TEF: variants seen among roughly 807,000 people sequenced by gnomAD.
TEF encodes thyrotroph embryonic factor.
In TEF, 3 loss-of-function variants were observed where a neutral mutation model predicts 20.8. The observed-to-expected ratio is 0.14, with a 90% CI of 0.07 to 0.37. The LOEUF is 0.37. Ranked by LOEUF, TEF falls within the 10% of genes least tolerant of loss-of-function variation. The probability of loss-of-function intolerance (pLI) is 1.00; values close to 1 mark genes in which losing one functional copy is unlikely to be tolerated. For synonymous variants in TEF, 180 were observed against 171.1 expected (o/e 1.05, Z -0.41); for missense variants, 296 against 397.9 (o/e 0.74, Z 2.18).
At chr22:41,372,968 G>C (rs1468549296) in intron 1 of TEF, among the ~76,000 whole-genome samples, 2 of 152,176 alleles carry the variant, frequency 1.3e-5, no homozygotes, top group Non-Finnish European at 2.9e-5. Flanking sequence ...AAGCAAGCAA[G>C]GGGGAGAGGG....
At chr22:41,393,183 A>T (rs1268600898) in intron 2 of TEF, among the ~76,000 whole-genome samples, 1 of 150,948 alleles carries the variant, frequency 6.6e-6, no homozygotes, top group African/African-American at 2.4e-5. Flanking sequence ...TCTAAAAAAT[A>T]AAAAAAAATT....
chr22:41,381,795 A>G (rs1696799013), upstream of TEF: 4 of 989,194 alleles, frequency 4.0e-6, no homozygotes, highest in Non-Finnish European at 3.9e-6. Context: ...CGGCCCGAGG[A>G]TCTGCGCCTG....
chr22:41,381,843 C>CG (rs2037028770), upstream of TEF: 12 of 1,205,386 alleles, frequency 1.0e-5, 1 homozygote, highest in South Asian at 2.6e-4. Flanking sequence ...AGCAACGATC[C>CG]GGGGAAGCTG....
chr22:41,368,439 C>A (rs2036845109), intron 1 of TEF, among the ~76,000 whole-genome samples: 1 of 152,060 alleles, frequency 6.6e-6, no homozygotes, highest in Non-Finnish European at 1.5e-5. Context: ...TCCTGCTGTG[C>A]CAGCACCTGC....
chr22:41,377,912 T>C (rs905683840), upstream of TEF, among the ~76,000 whole-genome samples: 2 of 152,180 alleles, frequency 1.3e-5, no homozygotes, highest in Non-Finnish European at 2.9e-5. Context: ...GTAGGCATTA[T>C]TCGTTTTGGA....
Position 41,395,828 on chromosome 22 carries a change from G to C in TEF, c.780G>C (p.Gln260His). 1 of 1,614,224 alleles carries C rather than the reference G, an allele frequency of 6.2e-7. No individual in the cohort carries two copies. The highest frequency in any genetic ancestry group is 8.5e-7 in the Non-Finnish European group (1 of 1,180,030). Residue 260 changes from glutamine to histidine, a missense_variant, in exon 4 of 4, where the codon CAG (glutamine) becomes CAC (histidine). Transcript: ENST00000266304. ...ATGCCCGGCGCCTGAAAGAGAATCA[G>C]ATCACCATCCGGGCAGCCTTCCTGG... Reference protein sequence around the residue: ...SRDARRLKENQITIRAAFLEK... With the variant: ...SRDARRLKENHITIRAAFLEK...
intron 2 of TEF, 111 bp from the exon 3 acceptor site, chr22:41,393,985 G>T (rs574143311): frequency 1.1e-6 from 1 of 911,112 alleles, no homozygotes; most frequent in South Asian, 1.6e-5. Context: ...CTTCTCCCCA[G>T]GCGGCAGTGG....
At position 41,397,329 on chromosome 22, in the gene TEF, C is replaced by G. The variant is rs1311591333; in HGVS notation, c.*1369C>G. On this transcript the variant is annotated 3_prime_UTR_variant, in exon 4 of 4. Transcript: ENST00000266304. ...GCGGGACTCGCCCTTTTGCTGTGCT[C>G]AGAAGATTCACTGAGGAAACTCATG... is the stretch of plus-strand genomic sequence containing the variant. The G allele has an allele frequency of 2.6e-6, 1 of 383,480 alleles. No homozygotes were observed. The highest frequency in any genetic ancestry group is 4.5e-5 in the Admixed American group (1 of 22,146). The allele number at this position is 383,480 out of a possible 1,614,324, so 23.8% of individuals were successfully genotyped here.
intron 1 of TEF, among the ~76,000 whole-genome samples, chr22:41,385,222 T>C (rs907510273): frequency 1.3e-5 from 2 of 151,984 alleles, no homozygotes; most frequent in African/African-American, 4.8e-5. Context: ...TAGCCGGGCA[T>C]GGTAGCGCAT....
At chr22:41,370,725 T>C (rs2036874452) in intron 1 of TEF, among the ~76,000 whole-genome samples, 1 of 152,182 alleles carries the variant, frequency 6.6e-6, no homozygotes, top group Non-Finnish European at 1.5e-5. Flanking sequence ...TTCCGTTTTC[T>C]AGTTCATTGA....
Position 41,387,495 on chromosome 22 carries a change from T to C in TEF, c.302T>C (p.Leu101Pro). Residue 101 changes from leucine (L) to proline (P), a missense_variant, in exon 2 of 4, where the codon CTG becomes CCG. This residue lies in a region of TEF where 194 missense variants were observed against 317.8 expected (regional missense o/e 0.61). Coordinates refer to ENST00000266304, the MANE Select transcript of TEF (RefSeq NM_003216.4). ...TCTTTCCACCTGGAGTACATGGACC[T>C]GGATGAGTTCCTGCTGGAGAATGGC... is the stretch of plus-strand genomic sequence containing the variant. ...GESFHLEYMDLDEFLLENGIP... is the reference protein window; with the variant it reads ...GESFHLEYMDPDEFLLENGIP... 6.2e-7 allele frequency: 1 copy of C among 1,614,194 alleles called. No individual in the cohort carries two copies. Among genetic ancestry groups the C allele is most frequent in the Non-Finnish European group, 8.5e-7 (1 of 1,180,032 alleles).
At chr22:41,378,203 C>G (rs1003923875), upstream of TEF, among the ~76,000 whole-genome samples, 3 of 126,028 alleles carry the variant, frequency 2.4e-5, no homozygotes, top group African/African-American at 9.2e-5. Flanking sequence ...GAGTCTCATT[C>G]TGTCCCACAG....
chr22:41,375,328 G>C (rs933957699), intron 1 of TEF, among the ~76,000 whole-genome samples: 1 of 152,254 alleles, frequency 6.6e-6, no homozygotes, highest in Non-Finnish European at 1.5e-5. Flanking sequence ...CCCAGGCACA[G>C]GTATGTGGGC....
At position 41,395,456 on chromosome 22, in the gene TEF, G is replaced by A. The variant is rs368109659; in HGVS notation, c.697-289G>A. ...ACCAACATGCCTAAGTAAGGCAAGG[G>A]TGTGGACAGTGCAATGCTTTGTGCT... On this transcript the variant is annotated intron_variant, in intron 3 of 3. Transcript: ENST00000266304. Among the ~76,000 whole-genome samples, 125 of 152,286 alleles carry A rather than the reference G, an allele frequency of 8.2e-4. 5 individuals are homozygous for A. In the South Asian group the frequency reaches 0.026, roughly 31 times the overall value.
chr22:41,397,609 A>C lies in TEF; in HGVS notation c.*1649A>C, dbSNP rs2037246270. The C allele has an allele frequency of 6.6e-6, 1 of 152,650 alleles. No individual in the cohort carries two copies. The highest frequency in any genetic ancestry group is 2.4e-5 in the African/African-American group (1 of 41,380). The allele number at this position is 152,650 out of a possible 1,614,324, so 9.5% of individuals were successfully genotyped here. On this transcript the variant is annotated 3_prime_UTR_variant, in exon 4 of 4. Coordinates refer to ENST00000266304, the MANE Select transcript of TEF (RefSeq NM_003216.4). ...CGGCCCTTTGGGGACCTGCACACCCACCTCTCCGGGGGACTTGACAAGGGG... is the reference window on the plus strand; with the variant it reads ...CGGCCCTTTGGGGACCTGCACACCCCCCTCTCCGGGGGACTTGACAAGGGG...
At chr22:41,382,866 C>T (rs929679097) in intron 1 of TEF, 17 of 470,602 alleles carry the variant, frequency 3.6e-5, no homozygotes, top group Admixed American at 7.1e-5. Context: ...TCAGATGAGT[C>T]CACTGAGGCC....
At chr22:41,392,670 C>CAAAAAAAAAAAAAAAAAAAAAAAAAA (rs920294546) in intron 2 of TEF, among the ~76,000 whole-genome samples, 1 of 39,328 alleles carries the variant, frequency 2.5e-5, no homozygotes. Context: ...TGAGACTCTT[C>CAAAAAAAAAAAAAAAAAAAAAAAAAA]AAAAAAAAAA....
upstream of TEF, among the ~76,000 whole-genome samples, chr22:41,379,583 C>T (rs976426834): frequency 2.6e-5 from 4 of 151,318 alleles, no homozygotes; most frequent in Non-Finnish European, 4.4e-5. Flanking sequence ...AAGGAAAAAA[C>T]GCTGGGTGCG....
intron 1 of TEF, among the ~76,000 whole-genome samples, chr22:41,372,853 G>A (rs571619203): frequency 7.2e-5 from 11 of 152,174 alleles, no homozygotes; most frequent in Admixed American, 2.0e-4. Flanking sequence ...GGAAGAGCCA[G>A]CTACCCGAGG....
Sources: gnomAD v4.1 joint callset for allele counts (sites outside exome capture counted in the v4.1 genomes callset) on GRCh38, gnomAD v4.1.1 for gene constraint, gnomAD v4.1.1 regional missense constraint, MANE v1.5 for transcripts, NCBI Gene and HGNC (gene_info 2026-07-23, HGNC 2026-07-21) for gene names.